Variants in CEP128 observed in about 807,000 individuals in gnomAD.
CEP128 encodes centrosomal protein 128.
In CEP128, 132 loss-of-function variants were observed where a neutral mutation model predicts 156.7. The ratio of observed to expected loss-of-function variants is 0.84; its 90% CI spans 0.73 to 0.97. The LOEUF (loss-of-function observed/expected upper bound fraction) is 0.97, where lower values mean the gene tolerates loss of function less well. CEP128 is among the 50% of genes least tolerant of loss of function. CEP128 has a pLI of 0.00. For synonymous variants in CEP128, 469 were observed against 448.9 expected (o/e 1.04, Z -0.57); for missense variants, 1,252 against 1,281.9 (o/e 0.98, Z 0.36).
At chr14:80,838,467 CAT>C (rs1217031915) in intron 10 of CEP128, among the ~76,000 whole-genome samples, 189 bp from the exon 11 acceptor site, 1 of 152,030 alleles carries the variant, frequency 6.6e-6, no homozygotes, top group East Asian at 1.9e-4. Context: ...AATCGTATAA[CAT>C]AAAGTGAACC....
At chr14:80,919,431 A>G (rs1884731538) in intron 2 of CEP128, among the ~76,000 whole-genome samples, 1 of 152,174 alleles carries the variant, frequency 6.6e-6, no homozygotes, top group Non-Finnish European at 1.5e-5. Flanking sequence ...TTTTAGTAAA[A>G]TATTTAGAAC....
intron 13 of CEP128, among the ~76,000 whole-genome samples, chr14:80,828,457 T>G (rs1397087946): frequency 6.6e-6 from 1 of 152,142 alleles, no homozygotes; most frequent in Non-Finnish European, 1.5e-5. Flanking sequence ...ATACCCAGAT[T>G]ACTTCAAGAG....
intron 19 of CEP128, among the ~76,000 whole-genome samples, chr14:80,647,086 T>A (rs750581275): frequency 1.3e-5 from 1 of 74,358 alleles, no homozygotes; most frequent in Non-Finnish European, 2.6e-5. Flanking sequence ...TATATATATA[T>A]ACACCCTTAT....
At chr14:80,909,420 C>T (rs964677198) in intron 4 of CEP128, among the ~76,000 whole-genome samples, 1 of 150,072 alleles carries the variant, frequency 6.7e-6, no homozygotes, top group African/African-American at 2.4e-5. Flanking sequence ...CTCCCTGCCA[C>T]CAAAAGAAAA....
At chr14:80,790,174 T>G (rs1901629683) in intron 14 of CEP128, among the ~76,000 whole-genome samples, 1 of 151,550 alleles carries the variant, frequency 6.6e-6, no homozygotes, top group South Asian at 2.1e-4. Flanking sequence ...AGCAAAAAGC[T>G]CAATACATAA....
intron 19 of CEP128, among the ~76,000 whole-genome samples, chr14:80,648,259 T>C (rs966603309): frequency 6.6e-6 from 1 of 152,034 alleles, no homozygotes; most frequent in Non-Finnish European, 1.5e-5. Flanking sequence ...CTTTGATTAA[T>C]GAAGTAAACC....
chr14:80,593,546 CAAAAAAAAA>C (rs780221928), intron 19 of CEP128, among the ~76,000 whole-genome samples: 3 of 77,850 alleles, frequency 3.9e-5, no homozygotes, highest in Non-Finnish European at 5.3e-5. Flanking sequence ...GACTCCATCT[CAAAAAAAAA>C]AAAAAAAAAA....
At chr14:80,709,827 G>A (rs1333106843) in intron 19 of CEP128, among the ~76,000 whole-genome samples, 2 of 151,770 alleles carry the variant, frequency 1.3e-5, no homozygotes, top group African/African-American at 4.8e-5. Context: ...GTCTTCTTTT[G>A]CATATTATCA....
At chr14:80,549,070 G>A (rs1452854643) in intron 21 of CEP128, among the ~76,000 whole-genome samples, 1 of 152,084 alleles carries the variant, frequency 6.6e-6, no homozygotes, top group African/African-American at 2.4e-5. Context: ...CCCCATTGTT[G>A]GAAAACGTAC....
chr14:80,829,251 G>GA (rs1197290930), intron 13 of CEP128, among the ~76,000 whole-genome samples: 15 of 151,970 alleles, frequency 9.9e-5, no homozygotes, highest in African/African-American at 3.1e-4. Context: ...AAGAAAATCA[G>GA]AAAAAATGCA....
rs142392672 is a variant in CEP128, at chr14:80,800,783, G to T, written c.1210-7673C>A. Among the ~76,000 whole-genome samples, 6 of 152,294 alleles carry T rather than the reference G, an allele frequency of 3.9e-5. No homozygotes were observed. The East Asian group carries it at 1.2e-3, about 29-fold the overall frequency. Reference sequence around the variant, plus strand: ...TAAAGACACTAGGTTAGGCACTAAGGAAGTACTTCAGTATAAGTACTGATT... The same window carrying T: ...TAAAGACACTAGGTTAGGCACTAAGTAAGTACTTCAGTATAAGTACTGATT... On this transcript the variant is annotated intron_variant, in intron 13 of 24. Transcript: ENST00000555265.
At chr14:80,637,389 A>G (rs901175024) in intron 19 of CEP128, among the ~76,000 whole-genome samples, 2 of 152,180 alleles carry the variant, frequency 1.3e-5, no homozygotes, top group African/African-American at 2.4e-5. Context: ...AGAGCCAGAG[A>G]AGGAGATGCA....
intron 15 of CEP128, among the ~76,000 whole-genome samples, chr14:80,778,346 T>C (rs1765822224): frequency 6.6e-6 from 1 of 152,116 alleles, no homozygotes; most frequent in African/African-American, 2.4e-5. Context: ...GAGAAGTGCT[T>C]ATTAAAGGTG....
intron 13 of CEP128, among the ~76,000 whole-genome samples, chr14:80,802,628 C>A (rs566091761): frequency 6.6e-6 from 1 of 151,890 alleles, no homozygotes; most frequent in East Asian, 1.9e-4. Flanking sequence ...ATGTAACAAA[C>A]CTCCATGTTC....
intron 19 of CEP128, among the ~76,000 whole-genome samples, chr14:80,657,023 G>A (rs1895200268): frequency 6.6e-6 from 1 of 152,170 alleles, no homozygotes; most frequent in African/African-American, 2.4e-5. Flanking sequence ...ACTTTGGGAA[G>A]CCAAGGTGGG....
chr14:80,631,507 T>C (rs1442296141), intron 19 of CEP128, among the ~76,000 whole-genome samples: 2 of 152,078 alleles, frequency 1.3e-5, no homozygotes, highest in Non-Finnish European at 2.9e-5. Context: ...AATATGCTTA[T>C]TTCCATTCTT....
intron 19 of CEP128, among the ~76,000 whole-genome samples, chr14:80,616,699 A>G (rs988320361): frequency 7.2e-5 from 11 of 152,212 alleles, no homozygotes; most frequent in African/African-American, 2.7e-4. Context: ...ACCTTGCCAT[A>G]CCTCAGAAAG....
intron 16 of CEP128, among the ~76,000 whole-genome samples, chr14:80,775,985 C>T (rs1360656402): frequency 6.6e-6 from 1 of 152,290 alleles, no homozygotes; most frequent in East Asian, 1.9e-4. Flanking sequence ...AGGTGCTCGC[C>T]ACCACACCCG....
At chr14:80,943,191 A>G (rs1479540444), upstream of CEP128, among the ~76,000 whole-genome samples, 1 of 152,242 alleles carries the variant, frequency 6.6e-6, no homozygotes, top group Non-Finnish European at 1.5e-5. Flanking sequence ...GTATATTTCT[A>G]GTATCCAGAC....
Sources: gnomAD v4.1 joint callset for allele counts (sites outside exome capture counted in the v4.1 genomes callset) on GRCh38, gnomAD v4.1.1 for gene constraint, MANE v1.5 for transcripts, NCBI Gene and HGNC (gene_info 2026-07-23, HGNC 2026-07-21) for gene names.